The following RANBP17 variants were observed in gnomAD, a reference collection of about 807,000 sequenced individuals.
RANBP17 encodes the protein ran-binding protein 17.
A neutral mutation model predicts 141.2 loss-of-function variants in RANBP17; 158 were observed. The ratio of observed to expected loss-of-function variants is 1.12; its 90% CI spans 0.98 to 1.28. The LOEUF is 1.28. Ranked by LOEUF, RANBP17 falls within the 50% of genes most tolerant of loss-of-function variation. The probability of loss-of-function intolerance (pLI) is 0.00; values close to 1 mark genes in which losing one functional copy is unlikely to be tolerated. For missense variants in RANBP17, 1,438 were observed against 1,290.7 expected, an observed-to-expected ratio of 1.11 and a Z score of -1.75; for synonymous variants, 430 against 450.0, an observed-to-expected ratio of 0.96 and a Z score of 0.56.
rs1384879602 is a variant in RANBP17, at chr5:170,968,787, G to A, written c.1710+410G>A. ...TGGCATTTGTACATGATTAAATAAT[G>A]AGGACTAGGAAAATTAGATGTGTCC... On this transcript the variant is annotated intron_variant, in intron 14 of 27. Transcript: ENST00000523189. The A allele has an allele frequency of 2.0e-5, 9 of 449,178 alleles. No individual in the cohort carries two copies. In the East Asian group the frequency reaches 6.3e-4, roughly 31 times the overall value. The allele number at this position is 449,178 out of a possible 1,614,324, so 27.8% of individuals were successfully genotyped here.
At chr5:171,144,429 A>G (rs368744554) in intron 14 of RANBP17, among the ~76,000 whole-genome samples, 10 of 152,316 alleles carry the variant, frequency 6.6e-5, no homozygotes, top group African/African-American at 2.4e-4. Flanking sequence ...AATATTTTTA[A>G]CTAGGTAAGA....
At chr5:170,934,550 T>C (rs571686028) in intron 12 of RANBP17, among the ~76,000 whole-genome samples, 3 of 152,336 alleles carry the variant, frequency 2.0e-5, no homozygotes, top group Admixed American at 1.3e-4. Context: ...ATTTTATTTC[T>C]CCATCACTTA....
intron 23 of RANBP17, among the ~76,000 whole-genome samples, 181 bp from the exon 24 acceptor site, chr5:171,242,501 C>A (rs1374250260): frequency 6.6e-6 from 1 of 152,160 alleles, no homozygotes. Flanking sequence ...TCAAGCGATT[C>A]CTATCAGAAC....
intron 14 of RANBP17, among the ~76,000 whole-genome samples, chr5:171,141,597 C>T (rs1331749833): frequency 1.8e-5 from 2 of 110,060 alleles, no homozygotes; most frequent in African/African-American, 3.6e-5. Context: ...GGAGTGTAGA[C>T]TGAGATGGAG....
chr5:171,279,451 A>G (rs1767719589), intron 25 of RANBP17, among the ~76,000 whole-genome samples: 1 of 152,168 alleles, frequency 6.6e-6, no homozygotes, highest in Non-Finnish European at 1.5e-5. Flanking sequence ...GGCAAGAAAG[A>G]GCACCAGGAG....
intron 1 of RANBP17, among the ~76,000 whole-genome samples, chr5:170,864,756 G>A (rs958636892): frequency 5.9e-5 from 9 of 152,186 alleles, no homozygotes; most frequent in African/African-American, 2.2e-4. Context: ...ATATAGCCAT[G>A]CTTCTTAATC....
chr5:171,125,078 T>C (rs1756333354), intron 14 of RANBP17, among the ~76,000 whole-genome samples: 1 of 152,042 alleles, frequency 6.6e-6, no homozygotes, highest in Admixed American at 6.6e-5. Flanking sequence ...GCAGATCACC[T>C]GAGGTCAGGA....
chr5:171,188,201 C>A (rs1257233325), intron 18 of RANBP17, among the ~76,000 whole-genome samples: 1 of 152,194 alleles, frequency 6.6e-6, no homozygotes, highest in Admixed American at 6.5e-5. Context: ...ACAACTAGGG[C>A]TGGAGGCAAA....
intron 7 of RANBP17, 45 bp downstream of exon 7, chr5:170,911,179 A>G (rs1771498927): frequency 2.0e-6 from 3 of 1,534,564 alleles, no homozygotes; most frequent in African/African-American, 1.4e-5. Context: ...ATAAAGGCAC[A>G]GTATTAAGCA....
intron 14 of RANBP17, among the ~76,000 whole-genome samples, chr5:171,034,578 A>G (rs542652091): frequency 6.6e-6 from 1 of 152,354 alleles, no homozygotes; most frequent in South Asian, 2.1e-4. Context: ...CATGCTTGCC[A>G]GAGTATATAG....
intron 14 of RANBP17, among the ~76,000 whole-genome samples, chr5:171,005,723 CA>C (rs1479291928): frequency 1.3e-5 from 2 of 152,272 alleles, no homozygotes; most frequent in East Asian, 1.9e-4. Context: ...GCAATGGCAA[CA>C]AAAGCCAGAA....
intron 14 of RANBP17, among the ~76,000 whole-genome samples, chr5:170,987,978 G>C (rs1778261969): frequency 6.6e-6 from 1 of 150,912 alleles, no homozygotes; most frequent in African/African-American, 2.4e-5. Context: ...AATCTTGTGA[G>C]AATTATATTT....
chr5:171,067,505 A>C (rs1476385043), intron 14 of RANBP17, among the ~76,000 whole-genome samples: 2 of 152,136 alleles, frequency 1.3e-5, no homozygotes, highest in Non-Finnish European at 2.9e-5. Flanking sequence ...GTTACAGTAT[A>C]ATGTTTTCTT....
intron 14 of RANBP17, among the ~76,000 whole-genome samples, chr5:171,048,048 T>G (rs1782707156): frequency 6.6e-6 from 1 of 152,176 alleles, no homozygotes; most frequent in South Asian, 2.1e-4. Flanking sequence ...ACTTGCATCT[T>G]TACATTTAAT....
In RANBP17 at chr5:171,174,733, A is replaced by G. The variant is rs920229350; in HGVS notation, c.1865+3447A>G. Reference sequence around the variant, plus strand: ...TTATTACATAATCATCAAACATGAGAAAACTAAAAATATCTAGAGTGTGTG... The same window carrying G: ...TTATTACATAATCATCAAACATGAGGAAACTAAAAATATCTAGAGTGTGTG... On this transcript the variant is annotated intron_variant, in intron 16 of 27. Transcript: ENST00000523189. Among the ~76,000 whole-genome samples the G allele has an allele frequency of 4.0e-5, 6 of 149,378 alleles. No homozygotes were observed. In the South Asian group the frequency reaches 6.5e-4, roughly 16 times the overall value.
chr5:170,919,344 A>G (rs1389488919), intron 10 of RANBP17, 97 bp from the exon 11 acceptor site: 1 of 885,026 alleles, frequency 1.1e-6, no homozygotes, highest in African/African-American at 1.7e-5. Flanking sequence ...TAAGAATAAA[A>G]GTTAATTTAA....
At chr5:170,986,152 TGATAAA>T (rs1471762571) in intron 14 of RANBP17, among the ~76,000 whole-genome samples, 6 of 152,100 alleles carry the variant, frequency 3.9e-5, no homozygotes, top group African/African-American at 1.4e-4. Context: ...TCTGTTTGGA[TGATAAA>T]TTATATGATC....
chr5:171,052,796 T>G (rs760592951), intron 14 of RANBP17, among the ~76,000 whole-genome samples: 2 of 152,220 alleles, frequency 1.3e-5, no homozygotes, highest in Non-Finnish European at 2.9e-5. Context: ...ATCTGTAGAT[T>G]ATTTTCATAA....
At chr5:171,132,185 T>A (rs1441953814) in intron 14 of RANBP17, among the ~76,000 whole-genome samples, 1 of 152,118 alleles carries the variant, frequency 6.6e-6, no homozygotes, top group Non-Finnish European at 1.5e-5. Context: ...CTTTTAATTG[T>A]CCTACTAAAT....
Sources: gnomAD v4.1 joint callset for allele counts (sites outside exome capture counted in the v4.1 genomes callset) on GRCh38, gnomAD v4.1.1 for gene constraint, MANE v1.5 for transcripts, NCBI Gene and HGNC (gene_info 2026-07-23, HGNC 2026-07-21) for gene names.